Variants in LMO1 observed in about 807,000 individuals in gnomAD.
The protein encoded by LMO1 is LIM domain only 1.
In LMO1, 10 loss-of-function variants were observed where a neutral mutation model predicts 18.0. The ratio of observed to expected loss-of-function variants is 0.55; its 90% CI spans 0.34 to 0.94. The LOEUF (loss-of-function observed/expected upper bound fraction) is 0.94. Ranked by LOEUF, LMO1 falls within the 40% of genes least tolerant of loss-of-function variation. LMO1 has a pLI of 0.02. For synonymous variants in LMO1, 77 were observed against 77.9 expected (o/e 0.99, Z 0.06); for missense variants, 183 against 205.7 (o/e 0.89, Z 0.68).
chr11:8,244,476 G>T (rs893683016), intron 1 of LMO1, among the ~76,000 whole-genome samples: 1 of 152,224 alleles, frequency 6.6e-6, no homozygotes, highest in Admixed American at 6.5e-5. Context: ...GTCTTTTTCA[G>T]TATAAATGAT....
At chr11:8,250,964 G>A (rs1222898048) in intron 1 of LMO1, among the ~76,000 whole-genome samples, 1 of 152,186 alleles carries the variant, frequency 6.6e-6, no homozygotes, top group Non-Finnish European at 1.5e-5. Context: ...GAAACAGCAG[G>A]GGACAGGGCC....
In LMO1 at chr11:8,243,335, T is replaced by C. The variant is rs1225306197; in HGVS notation, c.26-12831A>G. ...GGGAGCATCCGTAGATGAAGCTGTT[T>C]AGAATACAAGCTTTGGAATCAGACA... On this transcript the variant is annotated intron_variant, in intron 1 of 3. Coordinates refer to ENST00000335790, the MANE Select transcript of LMO1 (RefSeq NM_002315.3). Among the ~76,000 whole-genome samples the C allele has an allele frequency of 2.0e-5, 3 of 152,188 alleles. No homozygotes were observed. The East Asian group carries it at 5.8e-4, about 29-fold the overall frequency.
At chr11:8,225,154 C>T (rs972330240) in intron 3 of LMO1, among the ~76,000 whole-genome samples, 4 of 151,796 alleles carry the variant, frequency 2.6e-5, no homozygotes, top group East Asian at 2.0e-4. Flanking sequence ...TGGCTCACAC[C>T]TGTAATCCCA....
At chr11:8,241,751 C>T (rs1846797126) in intron 1 of LMO1, among the ~76,000 whole-genome samples, 1 of 150,078 alleles carries the variant, frequency 6.7e-6, no homozygotes, top group Admixed American at 6.6e-5. Flanking sequence ...AGTTTTTCAT[C>T]ACAATTTGTA....
intron 1 of LMO1, among the ~76,000 whole-genome samples, chr11:8,251,964 G>T (rs1368859640): frequency 8.2e-6 from 1 of 122,016 alleles, no homozygotes; most frequent in Non-Finnish European, 1.8e-5. Flanking sequence ...GTGTGTTTGT[G>T]TGTGGGGGTG....
intron 1 of LMO1, 39 bp downstream of exon 1, chr11:8,263,299 A>G: frequency 6.3e-7 from 1 of 1,580,874 alleles, no homozygotes. Flanking sequence ...GCAGGGGGCG[A>G]GGGGGTGAGG....
intron 1 of LMO1, among the ~76,000 whole-genome samples, chr11:8,245,992 C>G (rs1846886523): frequency 6.6e-6 from 1 of 152,110 alleles, no homozygotes; most frequent in East Asian, 1.9e-4. Context: ...CTCTTTTAAA[C>G]AACAAGATTT....
chr11:8,261,203 C>T (rs566705851), intron 1 of LMO1, among the ~76,000 whole-genome samples: 2 of 152,284 alleles, frequency 1.3e-5, no homozygotes, highest in African/African-American at 2.4e-5. Context: ...CCCCAGAGCC[C>T]AGCAGCTCCA....
rs61879678 is a variant in LMO1, at chr11:8,230,544, C to T, written c.26-40G>A. ...ACAGACAGCAACGCAGGATGGGCCC[C>T]GTAGCTCTGGGCCTCAAGGAATATC... On this transcript the variant is annotated intron_variant, in intron 1 of 3. Coordinates refer to ENST00000335790, the MANE Select transcript of LMO1 (RefSeq NM_002315.3). The T allele has an allele frequency of 4.0e-3, 6,318 of 1,574,356 alleles. 26 individuals are homozygous for T. Among genetic ancestry groups the T allele is most frequent in the Non-Finnish European group, 4.9e-3 (5,670 of 1,153,722 alleles).
intron 1 of LMO1, among the ~76,000 whole-genome samples, chr11:8,262,172 C>T (rs190012529): frequency 6.6e-6 from 1 of 152,390 alleles, no homozygotes; most frequent in East Asian, 1.9e-4. Flanking sequence ...CCAGCAGAGA[C>T]TCCTGAACGG....
At chr11:8,264,750 G>C (rs539543488), upstream of LMO1, among the ~76,000 whole-genome samples, 5 of 152,236 alleles carry the variant, frequency 3.3e-5, no homozygotes, top group African/African-American at 9.6e-5. Flanking sequence ...TTCTGCCTCA[G>C]CCTTCCGAGT....
chr11:8,263,692 C>T lies in LMO1; in HGVS notation c.-330G>A. On this transcript the variant is annotated 5_prime_UTR_variant, in exon 1 of 4. Transcript: ENST00000335790. ...CTCACCTTCTAAATGGCTCAATTTG[C>T]CCAGTATAATCTGTCTTAATGTAAT... The T allele has an allele frequency of 8.0e-7, 1 of 1,254,054 alleles. No homozygotes were observed. Among genetic ancestry groups the T allele is most frequent in the Admixed American group, 4.1e-5 (1 of 24,150 alleles). 77.7% of individuals were successfully genotyped at this position (1,254,054 alleles called of 1,614,324 possible). A position where few individuals can be genotyped will look rare whatever the true frequency, so the allele number is the denominator to read the frequency against.
In LMO1 at chr11:8,244,449, C is replaced by T. The variant is rs531916656; in HGVS notation, c.26-13945G>A. 3.3e-5 allele frequency among the ~76,000 whole-genome samples: 5 copies of T among 152,364 alleles called. No homozygotes were observed. In the East Asian group the frequency reaches 9.6e-4, roughly 29 times the overall value. ...AGCCCTGTGAGCGGAACCCGCATGG[C>T]GGGCACAGCCGAGTGTGTCTTTTTC... is the stretch of plus-strand genomic sequence containing the variant. On this transcript the variant is annotated intron_variant, in intron 1 of 3. Transcript: ENST00000335790.
At chr11:8,239,352 G>T (rs1846744696) in intron 1 of LMO1, among the ~76,000 whole-genome samples, 1 of 152,194 alleles carries the variant, frequency 6.6e-6, no homozygotes, top group South Asian at 2.1e-4. Flanking sequence ...TCATCTATTG[G>T]TTCTTCAAAT....
Position 8,224,522 on chromosome 11 carries a change from G to A in LMO1, c.*94C>T. 1 of 719,458 alleles carries A rather than the reference G, an allele frequency of 1.4e-6. No individual in the cohort carries two copies. The highest frequency in any genetic ancestry group is 1.6e-5 in the South Asian group (1 of 60,680). The allele number at this position is 719,458 out of a possible 1,614,324, so 44.6% of individuals were successfully genotyped here. On this transcript the variant is annotated 3_prime_UTR_variant, in exon 4 of 4. Coordinates refer to ENST00000335790, the MANE Select transcript of LMO1 (RefSeq NM_002315.3). ...TTCTAATGTGGCAGGAGAGCGGCTG[G>A]CCAGCCTGCACTGGTAGAGTGGCTG...
chr11:8,266,768 A>T (rs1359028761), upstream of LMO1, among the ~76,000 whole-genome samples: 1 of 152,188 alleles, frequency 6.6e-6, no homozygotes, highest in Non-Finnish European at 1.5e-5. Context: ...ATATTACAGA[A>T]GTCTTTGGTG....
intron 1 of LMO1, among the ~76,000 whole-genome samples, chr11:8,237,991 A>G (rs1952791388): frequency 1.3e-5 from 2 of 152,276 alleles, no homozygotes; most frequent in South Asian, 4.1e-4. Context: ...AATGTTTGGC[A>G]TAGTAGCATA....
chr11:8,230,923 G>T (rs572880283), intron 1 of LMO1, among the ~76,000 whole-genome samples: 1 of 152,222 alleles, frequency 6.6e-6, no homozygotes, highest in African/African-American at 2.4e-5. Context: ...GGCCCACGAG[G>T]TCCTCTAGAA....
At chr11:8,264,540 T>TC (rs964356947), upstream of LMO1, among the ~76,000 whole-genome samples, 21 of 152,162 alleles carry the variant, frequency 1.4e-4, no homozygotes, top group Non-Finnish European at 2.1e-4. Flanking sequence ...ACCCTGCTTC[T>TC]CCCCAGAATC....
Sources: gnomAD v4.1 joint callset for allele counts (sites outside exome capture counted in the v4.1 genomes callset) on GRCh38, gnomAD v4.1.1 for gene constraint, MANE v1.5 for transcripts, NCBI Gene and HGNC (gene_info 2026-07-23, HGNC 2026-07-21) for gene names.